MTA3: variants seen among roughly 807,000 people sequenced by gnomAD.
MTA3 encodes metastasis associated 1 family member 3, also known as metastasis-associated protein MTA3.
MTA3 carries 34 observed loss-of-function variants against 83.5 expected under a neutral mutation model. The observed-to-expected ratio is 0.41, with a 90% CI of 0.31 to 0.54. The LOEUF is 0.54. Ranked by LOEUF, MTA3 falls within the 20% of genes least tolerant of loss-of-function variation. MTA3 has a pLI of 0.33. For synonymous variants in MTA3, 303 were observed against 252.7 expected, an observed-to-expected ratio of 1.20 and a Z score of -1.89; for missense variants, 761 against 726.4, an observed-to-expected ratio of 1.05 and a Z score of -0.55.
intron 8 of MTA3, among the ~76,000 whole-genome samples, chr2:42,662,732 CTTT>C (rs35392554): frequency 1.1e-4 from 13 of 123,244 alleles, no homozygotes; most frequent in African/African-American, 1.8e-4. Flanking sequence ...TATATAAATA[CTTT>C]TTTTTTTTTT....
intron 2 of MTA3, among the ~76,000 whole-genome samples, chr2:42,531,202 G>C (rs1457969000): frequency 6.6e-6 from 1 of 152,112 alleles, no homozygotes; most frequent in African/African-American, 2.4e-5. Context: ...AAACCTGCCA[G>C]CACCTTTACC....
At position 42,744,437 on chromosome 2, in the gene MTA3, C is replaced by G. The variant is rs11890226; in HGVS notation, c.1760-8937C>G. On this transcript the variant is annotated intron_variant, in intron 16 of 16. Transcript: ENST00000405094. ...AGACCCTCTCAGCAGTATGGAGGTC[C>G]TAGAAGAGTGACAGCAGTCCATGGT... 3.4e-3 allele frequency among the ~76,000 whole-genome samples: 523 copies of G among 152,300 alleles called. 1 individual carries two copies. The highest frequency in any genetic ancestry group is 5.2e-3 in the Non-Finnish European group (353 of 68,014).
intron 3 of MTA3, among the ~76,000 whole-genome samples, chr2:42,582,613 C>A (rs1054448077): frequency 1.3e-5 from 2 of 151,988 alleles, no homozygotes; most frequent in African/African-American, 4.8e-5. Flanking sequence ...CTTAGCAAGA[C>A]CCTGACTCTA....
At chr2:42,571,120 T>C (rs1048663316) in intron 2 of MTA3, among the ~76,000 whole-genome samples, 1 of 152,004 alleles carries the variant, frequency 6.6e-6, no homozygotes, top group Non-Finnish European at 1.5e-5. Context: ...AGGCTGGGCA[T>C]GGCGGCTCAC....
chr2:42,573,065 G>A (rs932949382), intron 2 of MTA3, among the ~76,000 whole-genome samples: 1 of 152,150 alleles, frequency 6.6e-6, no homozygotes, highest in Non-Finnish European at 1.5e-5. Flanking sequence ...CAGTCAAGCT[G>A]CATGGACCAT....
chr2:42,657,838 G>A (rs1025906187), intron 7 of MTA3, among the ~76,000 whole-genome samples: 6 of 150,936 alleles, frequency 4.0e-5, no homozygotes, highest in Non-Finnish European at 8.8e-5. Context: ...GGGAGGCCAA[G>A]GCAGGCAGAT....
intron 3 of MTA3, among the ~76,000 whole-genome samples, chr2:42,605,812 C>T (rs1331499788): frequency 1.5e-5 from 2 of 131,944 alleles, no homozygotes; most frequent in Non-Finnish European, 3.3e-5. Flanking sequence ...CCCTCAGCTC[C>T]CAGACGGGGC....
At chr2:42,507,853 C>G (rs1674705820) in intron 2 of MTA3, among the ~76,000 whole-genome samples, 1 of 151,536 alleles carries the variant, frequency 6.6e-6, no homozygotes, top group Non-Finnish European at 1.5e-5. Context: ...ATGGCTTGAG[C>G]CCGGGAGGCA....
chr2:42,681,805 G>A (rs1256330213), intron 8 of MTA3, among the ~76,000 whole-genome samples: 3 of 151,632 alleles, frequency 2.0e-5, no homozygotes, highest in South Asian at 2.1e-4. Flanking sequence ...GCCACGATGT[G>A]TGGCCTGGCT....
At chr2:42,565,349 CTTT>C (rs773703863), upstream of MTA3, among the ~76,000 whole-genome samples, 6 of 133,964 alleles carry the variant, frequency 4.5e-5, no homozygotes, top group Non-Finnish European at 3.3e-5. Context: ...AACTGGCTAA[CTTT>C]TTTTTTTTTT....
chr2:42,640,037 T>C, intron 4 of MTA3, 136 bp from the exon 5 acceptor site: 1 of 619,642 alleles, frequency 1.6e-6, no homozygotes, highest in Non-Finnish European at 2.7e-6. Context: ...TGGGTCTAAA[T>C]GGTTTGAAAA....
chr2:42,687,363 A>T (rs1234959872), intron 9 of MTA3, among the ~76,000 whole-genome samples: 1 of 152,202 alleles, frequency 6.6e-6, no homozygotes, highest in African/African-American at 2.4e-5. Flanking sequence ...TCTGGTATTC[A>T]TCAGTGTTGC....
At chr2:42,666,853 C>T (rs1690274539) in intron 8 of MTA3, among the ~76,000 whole-genome samples, 1 of 152,138 alleles carries the variant, frequency 6.6e-6, no homozygotes, top group Non-Finnish European at 1.5e-5. Context: ...TAGCTTCTTT[C>T]TCTGGGACAT....
At chr2:42,717,809 G>T (rs1047551217) in intron 14 of MTA3, among the ~76,000 whole-genome samples, 3 of 152,224 alleles carry the variant, frequency 2.0e-5, no homozygotes, top group African/African-American at 7.2e-5. Context: ...CTTCACAGTG[G>T]GGAAGGGATG....
chr2:42,558,236 G>A (rs1230210222), intron 2 of MTA3, among the ~76,000 whole-genome samples: 1 of 148,156 alleles, frequency 6.7e-6, no homozygotes, highest in Non-Finnish European at 1.5e-5. Context: ...ATCACCTGAG[G>A]ACTTTTTTTT....
intron 16 of MTA3, among the ~76,000 whole-genome samples, chr2:42,748,000 C>T (rs2104598800): frequency 6.6e-6 from 1 of 152,084 alleles, no homozygotes; most frequent in East Asian, 1.9e-4. Context: ...TGTTTTTTGC[C>T]ACTATAGATT....
At chr2:42,662,061 A>T (rs1161743941) in intron 8 of MTA3, among the ~76,000 whole-genome samples, 1 of 152,138 alleles carries the variant, frequency 6.6e-6, no homozygotes, top group Non-Finnish European at 1.5e-5. Flanking sequence ...ATTGTGTAAC[A>T]CTTGCCATTT....
chr2:42,527,030 A>G (rs950072845), intron 2 of MTA3, among the ~76,000 whole-genome samples: 19 of 147,150 alleles, frequency 1.3e-4, no homozygotes, highest in Middle Eastern at 6.9e-3. Flanking sequence ...CTCCAGCCTG[A>G]TAACAAAGCA....
intron 2 of MTA3, among the ~76,000 whole-genome samples, chr2:42,553,870 C>CAAAAAAAAA (rs34637052): frequency 4.4e-5 from 4 of 90,258 alleles, no homozygotes; most frequent in Non-Finnish European, 6.4e-5. Flanking sequence ...GACTCCATCT[C>CAAAAAAAAA]AAAAAAAAAA....
Sources: gnomAD v4.1 joint callset for allele counts (sites outside exome capture counted in the v4.1 genomes callset) on GRCh38, gnomAD v4.1.1 for gene constraint, MANE v1.5 for transcripts, NCBI Gene and HGNC (gene_info 2026-07-23, HGNC 2026-07-21) for gene names.